Variants in MAML2 observed in about 807,000 individuals in gnomAD.
The protein encoded by MAML2 is mastermind like transcriptional coactivator 2.
In MAML2, 22 loss-of-function variants were observed where a neutral mutation model predicts 96.1. That is an observed-to-expected ratio of 0.23 (90% CI 0.16 to 0.33). The LOEUF (loss-of-function observed/expected upper bound fraction) is 0.33, where lower values mean the gene tolerates loss of function less well. MAML2 is among the 10% of genes least tolerant of loss of function. The pLI is 1.00. For synonymous variants in MAML2, 561 were observed against 521.3 expected, an observed-to-expected ratio of 1.08 and a Z score of -1.04; for missense variants, 1,367 against 1,392.4, an observed-to-expected ratio of 0.98 and a Z score of 0.29.
chr11:96,273,855 T>C (rs1862946834), intron 1 of MAML2, among the ~76,000 whole-genome samples: 1 of 152,168 alleles, frequency 6.6e-6, no homozygotes, highest in Non-Finnish European at 1.5e-5. Context: ...CAGGCCTTCA[T>C]TTTTCATATA....
chr11:96,313,847 C>T (rs995184718), intron 1 of MAML2, among the ~76,000 whole-genome samples: 1 of 152,152 alleles, frequency 6.6e-6, no homozygotes, highest in Admixed American at 6.5e-5. Context: ...TAGGGTTTTA[C>T]AGCAGAAATT....
chr11:96,033,102 CA>C (rs1233680342), intron 2 of MAML2, among the ~76,000 whole-genome samples: 1 of 152,156 alleles, frequency 6.6e-6, no homozygotes, highest in Non-Finnish European at 1.5e-5. Context: ...CTTAAGACAA[CA>C]AAACTAATAC....
intron 1 of MAML2, among the ~76,000 whole-genome samples, chr11:96,163,718 G>A (rs563171582): frequency 6.6e-6 from 1 of 152,302 alleles, no homozygotes; most frequent in East Asian, 1.9e-4. Flanking sequence ...TGTTCTGGAA[G>A]GGTCCTGAAT....
intron 4 of MAML2, among the ~76,000 whole-genome samples, chr11:95,982,175 A>G (rs2135701005): frequency 6.6e-6 from 1 of 152,306 alleles, no homozygotes; most frequent in Non-Finnish European, 1.5e-5. Flanking sequence ...GCTCTAGAAT[A>G]ATGATTCTGA....
At chr11:96,332,596 A>G (rs1863868464) in intron 1 of MAML2, among the ~76,000 whole-genome samples, 1 of 152,186 alleles carries the variant, frequency 6.6e-6, no homozygotes, top group Non-Finnish European at 1.5e-5. Context: ...TCATCTCTGC[A>G]CTTTGCACTT....
At chr11:96,074,175 T>A (rs1859394915) in intron 2 of MAML2, among the ~76,000 whole-genome samples, 2 of 152,198 alleles carry the variant, frequency 1.3e-5, no homozygotes, top group Admixed American at 1.3e-4. Context: ...ACCACTCAAC[T>A]GACTATCCAT....
intron 2 of MAML2, among the ~76,000 whole-genome samples, chr11:96,040,156 C>T (rs891058881): frequency 2.0e-5 from 3 of 151,962 alleles, no homozygotes; most frequent in Admixed American, 2.0e-4. Flanking sequence ...TATTATGTGC[C>T]AGGTACACTT....
chr11:96,061,867 A>C (rs949553432), intron 2 of MAML2, among the ~76,000 whole-genome samples: 4 of 151,474 alleles, frequency 2.6e-5, no homozygotes, highest in Non-Finnish European at 4.4e-5. Context: ...CTTACTCTTA[A>C]TACACCTCAT....
chr11:96,122,665 T>C (rs188662456), intron 1 of MAML2, among the ~76,000 whole-genome samples: 30 of 152,320 alleles, frequency 2.0e-4, no homozygotes, highest in African/African-American at 5.5e-4. Context: ...CAGAGGACCC[T>C]GTAAAATCCA....
At chr11:95,984,580 G>A (rs2135703014) in intron 4 of MAML2, among the ~76,000 whole-genome samples, 1 of 152,302 alleles carries the variant, frequency 6.6e-6, no homozygotes, top group Non-Finnish European at 1.5e-5. Context: ...GTGCGACTGA[G>A]CCCAGCTCCA....
At chr11:96,063,308 GT>G (rs756830058) in intron 2 of MAML2, among the ~76,000 whole-genome samples, 1 of 152,074 alleles carries the variant, frequency 6.6e-6, no homozygotes, top group Non-Finnish European at 1.5e-5. Context: ...CTTGTTCTTT[GT>G]TTTATTACTC....
chr11:96,298,962 G>A (rs1179322284), intron 1 of MAML2, among the ~76,000 whole-genome samples: 13 of 144,656 alleles, frequency 9.0e-5, no homozygotes, highest in East Asian at 4.0e-4. Flanking sequence ...GGAGAATGGC[G>A]TGAACCCGGG....
intron 1 of MAML2, among the ~76,000 whole-genome samples, chr11:96,332,997 G>A (rs1044984473): frequency 8.5e-5 from 13 of 152,148 alleles, no homozygotes; most frequent in African/African-American, 3.1e-4. Flanking sequence ...TGCCTTAACT[G>A]AATTTTCTTA....
chr11:96,240,495 G>A (rs181488054), intron 1 of MAML2, among the ~76,000 whole-genome samples: 143 of 140,010 alleles, frequency 1.0e-3, no homozygotes, highest in African/African-American at 3.5e-3. Flanking sequence ...AGCTTGCAGT[G>A]AGCCGAGATT....
chr11:96,005,453 A>AT (rs1453800078), intron 2 of MAML2, among the ~76,000 whole-genome samples: 2 of 152,196 alleles, frequency 1.3e-5, no homozygotes, highest in Non-Finnish European at 2.9e-5. Context: ...TTCCATTTTT[A>AT]TTTAATCAAA....
intron 1 of MAML2, among the ~76,000 whole-genome samples, chr11:96,273,708 T>C (rs2135981141): frequency 6.6e-6 from 1 of 152,320 alleles, no homozygotes; most frequent in East Asian, 1.9e-4. Context: ...TTTTCTCATC[T>C]GCAAAATGGG....
chr11:96,202,514 A>C (rs1017509953), intron 1 of MAML2, among the ~76,000 whole-genome samples: 1 of 152,200 alleles, frequency 6.6e-6, no homozygotes, highest in Non-Finnish European at 1.5e-5. Flanking sequence ...AGCCTGCAAA[A>C]ATCAGGGATT....
rs539365088 is a variant in MAML2 at position 96,015,217 on chromosome 11, G to T, written c.2140-23494C>A. Among the ~76,000 whole-genome samples the T allele has an allele frequency of 2.6e-5, 4 of 152,084 alleles. No homozygotes were observed. In the South Asian group the frequency reaches 8.3e-4, roughly 32 times the overall value. On this transcript the variant is annotated intron_variant, in intron 2 of 4. Transcript: ENST00000524717. ...AAAGTGGTGGTAAATCTATACTATT[G>T]GCACTTCATATGGAAACATGAAGCA...
chr11:96,148,659 T>TACACACAC (rs58470055), intron 1 of MAML2, among the ~76,000 whole-genome samples: 3,287 of 131,874 alleles, frequency 0.025, 96 homozygotes, highest in African/African-American at 0.044. Context: ...TTCTGAAAAA[T>TACACACAC]ACACACACAC....
Sources: gnomAD v4.1 joint callset for allele counts (sites outside exome capture counted in the v4.1 genomes callset) on GRCh38, gnomAD v4.1.1 for gene constraint, MANE v1.5 for transcripts, NCBI Gene and HGNC (gene_info 2026-07-23, HGNC 2026-07-21) for gene names.